PHLPP2: variants seen among roughly 807,000 people sequenced by gnomAD.
PHLPP2 encodes PH domain and leucine rich repeat protein phosphatase 2, also known as PH domain leucine-rich repeat-containing protein phosphatase 2.
Under a neutral mutation model 124.9 loss-of-function variants are expected in PHLPP2, and 66 were observed. The ratio of observed to expected loss-of-function variants is 0.53; its 90% CI spans 0.43 to 0.65. The LOEUF is 0.65. Ranked by LOEUF, PHLPP2 falls within the 30% of genes least tolerant of loss-of-function variation. The pLI is 0.00. For synonymous variants in PHLPP2, 681 were observed against 624.7 expected (o/e 1.09, Z -1.34); for missense variants, 1,685 against 1,600.4 (o/e 1.05, Z -0.90).
At chr16:71,658,913 C>T (rs1471794201) in intron 13 of PHLPP2, 98 bp from the exon 14 acceptor site, 8 of 996,264 alleles carry the variant, frequency 8.0e-6, no homozygotes, top group African/African-American at 3.2e-5. Flanking sequence ...AAGGCCGACA[C>T]GGTCCACTGC....
chr16:71,677,033 C>T (rs764604275), intron 8 of PHLPP2: 3 of 221,038 alleles, frequency 1.4e-5, no homozygotes, highest in East Asian at 2.3e-4. Context: ...CATGAGCCAC[C>T]GTGCCCGGCC....
chr16:71,645,236 T>C lies in PHLPP2; in HGVS notation c.*3654A>G, dbSNP rs2044645720. 6.4e-6 allele frequency: 1 copy of C among 155,902 alleles called. No individual in the cohort carries two copies. Among genetic ancestry groups the C allele is most frequent in the Admixed American group, 6.5e-5 (1 of 15,324 alleles). The allele number at this position is 155,902 out of a possible 1,614,324, so 9.7% of individuals were successfully genotyped here. Reference sequence around the variant, plus strand: ...TACAAGGAACTTATGTGTGACTGACTGATCACCAAATGAGGCAAACAGAGC... The same window carrying C: ...TACAAGGAACTTATGTGTGACTGACCGATCACCAAATGAGGCAAACAGAGC... On this transcript the variant is annotated 3_prime_UTR_variant, in exon 19 of 19. Coordinates refer to ENST00000568954, the MANE Select transcript of PHLPP2 (RefSeq NM_015020.3).
intron 13 of PHLPP2, among the ~76,000 whole-genome samples, chr16:71,662,003 T>A (rs1359991133): frequency 6.6e-6 from 1 of 151,982 alleles, no homozygotes; most frequent in South Asian, 2.1e-4. Flanking sequence ...TTTGTATTTT[T>A]AGTAGAGACG....
At position 71,704,782 on chromosome 16, in the gene PHLPP2, A is replaced by C. The variant is rs2045261502; in HGVS notation, c.285-2051T>G. 2.0e-5 allele frequency among the ~76,000 whole-genome samples: 3 copies of C among 152,206 alleles called. No individual in the cohort carries two copies. In the South Asian group the frequency reaches 6.2e-4, roughly 32 times the overall value. On this transcript the variant is annotated intron_variant, in intron 2 of 18. Transcript: ENST00000568954. ...ATTTACAAAACTCATTGTCTATGAC[A>C]ATCTTAGGCATTTTCCCAGCACAAT...
At chr16:71,702,912 T>C (rs944064418) in intron 2 of PHLPP2, among the ~76,000 whole-genome samples, 181 bp from the exon 3 acceptor site, 2 of 152,162 alleles carry the variant, frequency 1.3e-5, no homozygotes, top group East Asian at 3.8e-4. Flanking sequence ...TCATGTATAT[T>C]GTATTCATTA....
intron 13 of PHLPP2, among the ~76,000 whole-genome samples, chr16:71,660,895 T>A (rs567350582): frequency 6.6e-6 from 1 of 152,014 alleles, no homozygotes; most frequent in Non-Finnish European, 1.5e-5. Flanking sequence ...ACAAACAAGA[T>A]TTCTATTGTG....
intron 3 of PHLPP2, among the ~76,000 whole-genome samples, chr16:71,690,963 A>T (rs1253190691): frequency 6.6e-6 from 1 of 152,198 alleles, no homozygotes; most frequent in South Asian, 2.1e-4. Context: ...TCCAACAGCC[A>T]TATCTCCTAT....
chr16:71,658,448 C>T (rs2145311972), intron 14 of PHLPP2, 85 bp from the exon 15 acceptor site: 1 of 1,311,482 alleles, frequency 7.6e-7, no homozygotes, highest in Non-Finnish European at 1.0e-6. Flanking sequence ...TTACTATATC[C>T]CCAAAGAGGA....
chr16:71,690,519 C>T lies in PHLPP2; in HGVS notation c.609G>A (p.Lys203=), dbSNP rs932025096. The T allele has an allele frequency of 5.6e-6, 9 of 1,594,538 alleles. No homozygotes were observed. Among genetic ancestry groups the T allele is most frequent in the Non-Finnish European group, 6.9e-6 (8 of 1,167,566 alleles). ...KMHILPLVGG[K]IEEVKRRQYS... ...AATAATTCATCTTTGTGAGTCTTAC[C>T]TTTCCACCAACCAGAGGCAAAATGT... is the stretch of plus-strand genomic sequence containing the variant. The change falls in exon 4 of 19, where the codon AAG becomes AAA. Residue 203 remains lysine, a splice_region_variant and synonymous_variant. Transcript: ENST00000568954.
intron 3 of PHLPP2, among the ~76,000 whole-genome samples, chr16:71,695,407 C>A (rs1360113644): frequency 2.0e-5 from 3 of 152,066 alleles, no homozygotes; most frequent in Admixed American, 2.0e-4. Flanking sequence ...ATACTATGCC[C>A]CTGAAAGAAA....
At chr16:71,670,939 AATC>A in intron 10 of PHLPP2, among the ~76,000 whole-genome samples, 1 of 152,290 alleles carries the variant, frequency 6.6e-6, no homozygotes, top group African/African-American at 2.4e-5. Context: ...CTATTTTCCC[AATC>A]AAGTAGGAAG....
chr16:71,683,810 G>C (rs573317739), intron 5 of PHLPP2, among the ~76,000 whole-genome samples: 1 of 151,374 alleles, frequency 6.6e-6, no homozygotes, highest in East Asian at 1.9e-4. Flanking sequence ...TTTTTTTTCA[G>C]ACGGACTTTT....
At chr16:71,683,252 A>T (rs1372431236) in intron 5 of PHLPP2, among the ~76,000 whole-genome samples, 1 of 152,236 alleles carries the variant, frequency 6.6e-6, no homozygotes, top group East Asian at 1.9e-4. Context: ...AAAATCCTGC[A>T]AAGATGGCTA....
At chr16:71,684,976 A>G (rs932186014) in intron 4 of PHLPP2, among the ~76,000 whole-genome samples, 1 of 151,622 alleles carries the variant, frequency 6.6e-6, no homozygotes, top group African/African-American at 2.4e-5. Context: ...AGAGGCAAAA[A>G]CCTCCCCCAT....
In PHLPP2 at chr16:71,682,025, A is replaced by G. The variant is rs575780678; in HGVS notation, c.736-120T>C. ...TTAAAAAGATAGGAAAAAAAAGGCA[A>G]TAAGATCCAATTATTCATTTATAAA... On this transcript the variant is annotated intron_variant, in intron 5 of 18. Transcript: ENST00000568954. 6.4e-5 allele frequency: 40 copies of G among 625,656 alleles called. No homozygotes were observed. In the South Asian group the frequency reaches 1.1e-3, roughly 17 times the overall value. The allele number at this position is 625,656 out of a possible 1,614,324, so 38.8% of individuals were successfully genotyped here. A position where few individuals can be genotyped will look rare whatever the true frequency, so the allele number is the denominator to read the frequency against.
intron 9 of PHLPP2, among the ~76,000 whole-genome samples, chr16:71,675,529 G>A (rs935316109): frequency 6.6e-6 from 1 of 152,182 alleles, no homozygotes; most frequent in East Asian, 1.9e-4. Flanking sequence ...AGGCTAAATA[G>A]TAAACATTTT....
intron 2 of PHLPP2, 45 bp downstream of exon 2, chr16:71,714,467 T>C (rs1013515351): frequency 2.6e-6 from 4 of 1,521,834 alleles, no homozygotes; most frequent in African/African-American, 2.8e-5. Context: ...AACACATTAT[T>C]ATTTATATTA....
chr16:71,696,882 C>T (rs2145362068), intron 3 of PHLPP2, among the ~76,000 whole-genome samples: 1 of 152,080 alleles, frequency 6.6e-6, no homozygotes, highest in African/African-American at 2.4e-5. Context: ...CATTCAAAAA[C>T]TCAGGTTCTG....
intron 12 of PHLPP2, among the ~76,000 whole-genome samples, chr16:71,665,241 C>T (rs974295564): frequency 2.6e-5 from 4 of 152,194 alleles, no homozygotes; most frequent in Middle Eastern, 3.4e-3. Context: ...ACCCAGGAGG[C>T]GGAGGTTGCA....
Sources: gnomAD v4.1 joint callset for allele counts (sites outside exome capture counted in the v4.1 genomes callset) on GRCh38, gnomAD v4.1.1 for gene constraint, MANE v1.5 for transcripts, NCBI Gene and HGNC (gene_info 2026-07-23, HGNC 2026-07-21) for gene names.